AKAP6: variants seen among roughly 807,000 people sequenced by gnomAD.
AKAP6 encodes the protein A-kinase anchor protein 6.
AKAP6 carries 58 observed loss-of-function variants against 188.5 expected under a neutral mutation model. The ratio of observed to expected loss-of-function variants is 0.31; its 90% CI spans 0.25 to 0.38. The LOEUF (loss-of-function observed/expected upper bound fraction) is 0.38, where lower values mean the gene tolerates loss of function less well. Among genes scored for constraint, AKAP6 ranks in the 10% least tolerant of loss-of-function variants. AKAP6 has a pLI of 1.00. For synonymous variants in AKAP6, 989 were observed against 998.6 expected (o/e 0.99, Z 0.18); for missense variants, 2,710 against 2,740.0 (o/e 0.99, Z 0.24).
At chr14:32,694,088 G>A (rs1177686656) in intron 8 of AKAP6, among the ~76,000 whole-genome samples, 3 of 151,906 alleles carry the variant, frequency 2.0e-5, no homozygotes, top group East Asian at 3.9e-4. Context: ...GGGGCCAGGC[G>A]CGGTGGCTCA....
intron 12 of AKAP6, among the ~76,000 whole-genome samples, chr14:32,777,694 G>A (rs575345607): frequency 3.3e-5 from 5 of 152,244 alleles, no homozygotes; most frequent in South Asian, 4.1e-4. Flanking sequence ...TGAGCTCTGA[G>A]GTATCTTCAA....
rs563475245 is a variant in AKAP6 at position 32,350,215 on chromosome 14, T to C, written c.-35+20807T>C. Among the ~76,000 whole-genome samples the C allele has an allele frequency of 2.6e-5, 4 of 152,298 alleles. No individual in the cohort carries two copies. The South Asian group carries it at 6.2e-4, about 24-fold the overall frequency. On this transcript the variant is annotated intron_variant, in intron 1 of 13. Transcript: ENST00000280979. Reference sequence around the variant, plus strand: ...CTTTACAGTAGTGAAACCTGGTAAGTATAACCCTAACCAAGTGATGAAGGT... The same window carrying C: ...CTTTACAGTAGTGAAACCTGGTAAGCATAACCCTAACCAAGTGATGAAGGT...
chr14:32,689,631 C>T (rs1890085248), intron 8 of AKAP6, among the ~76,000 whole-genome samples: 1 of 152,060 alleles, frequency 6.6e-6, no homozygotes, highest in African/African-American at 2.4e-5. Flanking sequence ...TGCAACTGTG[C>T]ATATCAGATT....
At chr14:32,383,085 TTATGTGTG>T (rs1345440251) in intron 1 of AKAP6, among the ~76,000 whole-genome samples, 2 of 108,892 alleles carry the variant, frequency 1.8e-5, no homozygotes, top group East Asian at 5.9e-4. Flanking sequence ...AGGGCAGATT[TTATGTGTG>T]TGTGTGTGTG....
intron 11 of AKAP6, among the ~76,000 whole-genome samples, chr14:32,764,611 C>T (rs913415384): frequency 1.3e-5 from 2 of 152,062 alleles, no homozygotes; most frequent in African/African-American, 2.4e-5. Flanking sequence ...GCCTTTGTTG[C>T]TTATTAGCTG....
At chr14:32,404,514 C>G (rs1198059841) in intron 1 of AKAP6, among the ~76,000 whole-genome samples, 1 of 151,034 alleles carries the variant, frequency 6.6e-6, no homozygotes, top group East Asian at 2.0e-4. Context: ...TGTGATATTT[C>G]CCCCACTCTT....
At chr14:32,716,331 AAAAATAGT>A (rs956240893) in intron 9 of AKAP6, among the ~76,000 whole-genome samples, 26 of 151,746 alleles carry the variant, frequency 1.7e-4, no homozygotes, top group Non-Finnish European at 3.4e-4. Flanking sequence ...AAGAGTCAAG[AAAAATAGT>A]AAAACTTTGT....
At chr14:32,556,517 A>AT (rs368389628) in intron 4 of AKAP6, among the ~76,000 whole-genome samples, 1 of 151,792 alleles carries the variant, frequency 6.6e-6, no homozygotes, top group East Asian at 1.9e-4. Flanking sequence ...TAATTTTTGC[A>AT]TTTTTTGTAG....
At chr14:32,697,169 A>T (rs911129142) in intron 9 of AKAP6, among the ~76,000 whole-genome samples, 9 of 152,114 alleles carry the variant, frequency 5.9e-5, no homozygotes, top group African/African-American at 1.2e-4. Context: ...TTAATAAATG[A>T]TTTTAACTTT....
intron 7 of AKAP6, among the ~76,000 whole-genome samples, chr14:32,618,231 G>T (rs983751955): frequency 2.6e-5 from 4 of 152,226 alleles, no homozygotes; most frequent in South Asian, 2.1e-4. Flanking sequence ...GATACCAGCG[G>T]TTTTTGTTTA....
chr14:32,694,881 A>T (rs1000680267), intron 8 of AKAP6, among the ~76,000 whole-genome samples: 4 of 152,240 alleles, frequency 2.6e-5, no homozygotes, highest in African/African-American at 9.6e-5. Flanking sequence ...TGAAAAATTC[A>T]GATTCATACC....
At chr14:32,811,637 T>C (rs996955191) in intron 12 of AKAP6, among the ~76,000 whole-genome samples, 1 of 152,236 alleles carries the variant, frequency 6.6e-6, no homozygotes, top group Admixed American at 6.5e-5. Context: ...TCCAGATAGA[T>C]AGTGTCAACG....
intron 7 of AKAP6, chr14:32,616,999 G>A (rs1435450306): frequency 1.3e-5 from 2 of 152,188 alleles, no homozygotes; most frequent in Non-Finnish European, 2.9e-5. Flanking sequence ...CCTCTGCAAA[G>A]CTCACAGGTA....
At chr14:32,532,460 A>C (rs1882465571) in intron 2 of AKAP6, among the ~76,000 whole-genome samples, 1 of 152,102 alleles carries the variant, frequency 6.6e-6, no homozygotes, top group African/African-American at 2.4e-5. Flanking sequence ...TTTTCCCTGG[A>C]TAGTTTCCTG....
At chr14:32,802,177 C>A (rs1253212981) in intron 12 of AKAP6, among the ~76,000 whole-genome samples, 1 of 152,108 alleles carries the variant, frequency 6.6e-6, no homozygotes, top group Non-Finnish European at 1.5e-5. Context: ...TTTTTCTCTG[C>A]ATTTCAGTTT....
At chr14:32,643,496 C>T (rs577039463) in intron 7 of AKAP6, among the ~76,000 whole-genome samples, 3 of 151,884 alleles carry the variant, frequency 2.0e-5, no homozygotes, top group Admixed American at 1.3e-4. Context: ...TTAGTAGAGA[C>T]GGGGTTTCAC....
rs114776341 is a variant in AKAP6, at chr14:32,505,431, C to A, written c.325-30123C>A. ...AAATTTAAGAGGATGACAAAAAAAA[C>A]TTGGTAATCAAGATATATGATATTT... is the stretch of plus-strand genomic sequence containing the variant. On this transcript the variant is annotated intron_variant, in intron 2 of 13. Transcript: ENST00000280979. Among the ~76,000 whole-genome samples, 588 of 151,932 alleles carry A rather than the reference C, an allele frequency of 3.9e-3. 5 individuals are homozygous for A. The highest frequency in any genetic ancestry group is 0.013 in the African/African-American group (519 of 41,414).
At chr14:32,540,168 C>CTATATATATATATATA (rs61668961) in intron 3 of AKAP6, among the ~76,000 whole-genome samples, 4 of 60,920 alleles carry the variant, frequency 6.6e-5, no homozygotes, top group African/African-American at 3.9e-4. Context: ...CTCTCTCTCT[C>CTATATATATATATATA]TATATATATA....
chr14:32,671,164 A>T (rs1889176413), intron 7 of AKAP6, among the ~76,000 whole-genome samples: 2 of 152,136 alleles, frequency 1.3e-5, no homozygotes, highest in African/African-American at 4.8e-5. Context: ...GTCAGGGAAG[A>T]CTTGGATGCA....
Sources: allele counts gnomAD v4.1 joint callset (sites outside exome capture counted in the v4.1 genomes callset), GRCh38; gene constraint gnomAD v4.1.1; transcripts MANE v1.5; gene names NCBI Gene and HGNC (gene_info 2026-07-23, HGNC 2026-07-21).